The following TSC2 variants were observed in gnomAD, a reference collection of about 807,000 sequenced individuals.
TSC2 encodes the protein TSC complex subunit 2, also known as tuberin.
TSC2 carries 29 observed loss-of-function variants against 202.2 expected under a neutral mutation model. The ratio of observed to expected loss-of-function variants is 0.14; its 90% CI spans 0.11 to 0.20. The LOEUF is 0.20. Ranked by LOEUF, TSC2 falls within the 10% of genes least tolerant of loss-of-function variation. The pLI is 1.00. For synonymous variants in TSC2, 1,349 were observed against 1,044.0 expected (o/e 1.29, Z -5.63); for missense variants, 2,429 against 2,420.0 (o/e 1.00, Z -0.08).
intron 32 of TSC2, chr16:2,083,167 C>A (rs767991585): frequency 2.2e-6 from 1 of 457,424 alleles, no homozygotes; most frequent in East Asian, 6.9e-5. Flanking sequence ...TCCCCCTGTC[C>A]TGACGCTGGC....
At position 2,056,256 on chromosome 16, in the gene TSC2, C is replaced by T; in HGVS notation, c.648+12C>T. The stretch of plus-strand genomic sequence containing the variant: ...CTGTGGACATAGAGGTCAGTGCCTC[C>T]CCTCCCCAGGGCCGGCCCATTTCAC... On this transcript the variant is annotated intron_variant, in intron 7 of 41. Transcript: ENST00000219476. 6.2e-7 allele frequency: 1 copy of T among 1,613,980 alleles called. No homozygotes were observed. Among genetic ancestry groups the T allele is most frequent in the Non-Finnish European group, 8.5e-7 (1 of 1,180,030 alleles).
chr16:2,048,165 C>T, intron 1 of TSC2, 100 bp downstream of exon 1: 1 of 1,537,126 alleles, frequency 6.5e-7, no homozygotes, highest in Non-Finnish European at 8.8e-7. Context: ...TCACCCGCGC[C>T]CACTGCAACC....
intron 21 of TSC2, among the ~76,000 whole-genome samples, 168 bp from the exon 22 acceptor site, chr16:2,074,032 T>C (rs1197370246): frequency 1.3e-5 from 2 of 152,382 alleles, no homozygotes; most frequent in Middle Eastern, 6.8e-3. Context: ...CAGTCTGCTG[T>C]GCAGAGTCTG....
intron 22 of TSC2, 151 bp from the exon 23 acceptor site, chr16:2,075,648 G>T: frequency 2.7e-6 from 2 of 732,578 alleles, no homozygotes; most frequent in Non-Finnish European, 4.6e-6. Context: ...ACCGAGAGTT[G>T]AGGCCAGGGT....
rs766653746 is a variant in TSC2 at position 2,054,411 on chromosome 16, G to C, written c.452G>C (p.Arg151Thr). 6.2e-7 allele frequency: 1 copy of C among 1,614,224 alleles called. No individual in the cohort carries two copies. The highest frequency in any genetic ancestry group is 1.1e-5 in the South Asian group (1 of 91,088). Residue 151 changes from arginine to threonine, a missense_variant, in exon 5 of 42, where the codon AGA becomes ACA. Arg to Thr is a moderately conservative substitution (Grantham distance 71, BLOSUM62 -1). Transcript: ENST00000219476. Reference sequence around the variant, plus strand: ...TTCAAGGCCCTCACAGACAATGGGAGACACATCACCTACTTGGAGGAAGAG... The same window carrying C: ...TTCAAGGCCCTCACAGACAATGGGACACACATCACCTACTTGGAGGAAGAG... ...EVFKALTDNG[R>T]HITYLEEELA...
At position 2,055,667 on chromosome 16, in the gene TSC2, C is replaced by T. The variant is rs191723682; in HGVS notation, c.599+148C>T. The T allele has an allele frequency of 7.0e-3, 5,341 of 768,180 alleles. 246 individuals carry two copies. The Admixed American group carries it at 0.093, about 13-fold the overall frequency. 47.6% of individuals were successfully genotyped at this position (768,180 alleles called of 1,614,324 possible). A position where few individuals can be genotyped will look rare whatever the true frequency, so the allele number is the denominator to read the frequency against. The stretch of plus-strand genomic sequence containing the variant: ...CAGCACTTTGGGAGGCCGAGGCAGG[C>T]GGATCACGAGGTCAGGAGTTCGAGA... On this transcript the variant is annotated intron_variant, in intron 6 of 41. Transcript: ENST00000219476.
chr16:2,048,193 G>C, intron 1 of TSC2, 128 bp downstream of exon 1: 2 of 1,533,448 alleles, frequency 1.3e-6, no homozygotes, highest in South Asian at 2.4e-5. Flanking sequence ...GGAGCTCCGA[G>C]CATCCCTTAG....
chr16:2,050,122 A>T (rs1052954719), intron 2 of TSC2, among the ~76,000 whole-genome samples: 3 of 151,590 alleles, frequency 2.0e-5, no homozygotes, highest in Non-Finnish European at 4.4e-5. Flanking sequence ...CGCCCAGCAA[A>T]TTTTTTGTAT....
rs954041989 is a variant in TSC2, at chr16:2,055,417, A to G, written c.497A>G (p.Gln166Arg). 7 of 1,614,076 alleles carry G rather than the reference A, an allele frequency of 4.3e-6. No individual in the cohort carries two copies. Among genetic ancestry groups the G allele is most frequent in the Non-Finnish European group, 5.9e-6 (7 of 1,180,028 alleles). The change falls in exon 6 of 42, where the codon CAG becomes CGG. Residue 166 changes from glutamine to arginine, a missense_variant. Physicochemically the swap from Gln to Arg is conservative, Grantham distance 43 (BLOSUM62 1). Coordinates refer to ENST00000219476, the MANE Select transcript of TSC2 (RefSeq NM_000548.5). ...LEEELADFVL[Q>R]WMDVGLSSEF... ...TCTCCCCCAGCTGACTTTGTCCTGC[A>G]GTGGATGGATGTTGGCTTGTCCTCG...
At chr16:2,070,368 C>A in intron 16 of TSC2, 88 bp from the exon 17 acceptor site, 1 of 1,609,766 alleles carries the variant, frequency 6.2e-7, no homozygotes, top group Non-Finnish European at 8.5e-7. Context: ...AGAGCAGCCG[C>A]CCCGGCCCCT....
rs540111664 is a variant in TSC2 at position 2,064,598 on chromosome 16, G to T, written c.1599+171G>T. ...CGAGGCCTGTGCAGGGCCTGCCACT[G>T]CTGGATTTGTGTCCTGACTGAAAGT... On this transcript the variant is annotated intron_variant, in intron 15 of 41. Transcript: ENST00000219476. 2.4e-4 allele frequency: 231 copies of T among 968,174 alleles called. 1 individual carries two copies. The African/African-American group carries it at 3.2e-3, about 13-fold the overall frequency. The allele number at this position is 968,174 out of a possible 1,614,324, so 60.0% of individuals were successfully genotyped here.
intron 11 of TSC2, chr16:2,061,548 A>G (rs999774859): frequency 1.8e-5 from 8 of 437,292 alleles, no homozygotes; most frequent in East Asian, 4.6e-5. Flanking sequence ...GCCCAGCTGC[A>G]TGGGCACAGC....
Position 2,065,528 on chromosome 16 carries a change from C to T in TSC2, c.1609C>T (p.Arg537Cys), listed in dbSNP as rs142257684. ...GGCCTTCTCTTCAAAGGTGATGGCCCGCTCCCTCTCCCCACCCCCGGAGCT... is the reference window on the plus strand; with the variant it reads ...GGCCTTCTCTTCAAAGGTGATGGCCTGCTCCCTCTCCCCACCCCCGGAGCT... Reference protein sequence around the residue: ...LLDIIEKVMARSLSPPPELEE... With the variant: ...LLDIIEKVMACSLSPPPELEE... The change falls in exon 16 of 42, where the codon CGC (arginine) becomes TGC (cysteine). Residue 537 changes from arginine (R) to cysteine (C), a missense_variant. Transcript: ENST00000219476. 9.8e-5 allele frequency: 158 copies of T among 1,613,694 alleles called. No individual in the cohort carries two copies. In the African/African-American group the frequency reaches 1.7e-3, roughly 17 times the overall value.
intron 15 of TSC2, 114 bp downstream of exon 15, chr16:2,064,541 G>A (rs959938757): frequency 2.0e-6 from 3 of 1,523,688 alleles, no homozygotes; most frequent in Admixed American, 3.7e-5. Flanking sequence ...GTGTCCGTAG[G>A]TGAGGCTCCC....
Position 2,072,684 on chromosome 16 carries a change from C to T in TSC2, c.2221-165C>T, listed in dbSNP as rs1306410716. The T allele has an allele frequency of 3.4e-6, 4 of 1,170,346 alleles. 1 individual carries two copies. The allele number at this position is 1,170,346 out of a possible 1,614,324, so 72.5% of individuals were successfully genotyped here. A position where few individuals can be genotyped will look rare whatever the true frequency, so the allele number is the denominator to read the frequency against. ...CCTGGTGTGTTACTTGGCAGGCACT[C>T]CCACCACTCCGAAAGGGAGGCCCTT... is the stretch of plus-strand genomic sequence containing the variant. On this transcript the variant is annotated intron_variant, in intron 20 of 41. Transcript: ENST00000219476.
intron 25 of TSC2, chr16:2,076,799 C>T (rs908285746): frequency 7.6e-5 from 44 of 581,084 alleles, no homozygotes; most frequent in Middle Eastern, 4.7e-4. Context: ...GCGTGTGCCA[C>T]GGGCACCTAC....
At chr16:2,074,748 C>A in intron 22 of TSC2, 1 of 390,642 alleles carries the variant, frequency 2.6e-6, no homozygotes, top group Non-Finnish European at 4.9e-6. Context: ...GCTCAGGTGC[C>A]TGTCCCTTCC....
rs45500703 is a variant in TSC2 at position 2,070,426 on chromosome 16, G to A, written c.1717-30G>A. The A allele has an allele frequency of 3.7e-4, 590 of 1,613,184 alleles. 2 individuals carry two copies. In the East Asian group the frequency reaches 9.1e-3, roughly 25 times the overall value. Reference sequence around the variant, plus strand: ...TTAGGACTGCGTTTTCACCTCCTGCGCCGTGGTGAGCTGCGTCCTCTCTCT... The same window carrying A: ...TTAGGACTGCGTTTTCACCTCCTGCACCGTGGTGAGCTGCGTCCTCTCTCT... On this transcript the variant is annotated intron_variant, in intron 16 of 41. Coordinates refer to ENST00000219476, the MANE Select transcript of TSC2 (RefSeq NM_000548.5).
chr16:2,058,936 A>G (rs1596289789), intron 10 of TSC2, 63 bp downstream of exon 10: 19 of 1,570,312 alleles, frequency 1.2e-5, no homozygotes, highest in Non-Finnish European at 1.5e-5. Flanking sequence ...ACGCCTGCCC[A>G]CCCATCCCAC....
Sources: allele counts gnomAD v4.1 joint callset (sites outside exome capture counted in the v4.1 genomes callset), GRCh38; gene constraint gnomAD v4.1.1; transcripts MANE v1.5; gene names NCBI Gene and HGNC (gene_info 2026-07-23, HGNC 2026-07-21).